DCX: variants seen among roughly 807,000 people sequenced by gnomAD.
DCX encodes doublecortin, also known as neuronal migration protein doublecortin.
Under a neutral mutation model 20.9 loss-of-function variants are expected in DCX, and 4 were observed. The ratio of observed to expected loss-of-function variants is 0.19; its 90% confidence interval spans 0.09 to 0.44. The LOEUF is 0.44. Among genes scored for constraint, DCX ranks in the 20% least tolerant of loss-of-function variants. DCX has a pLI of 0.99. For synonymous variants in DCX, 103 were observed against 111.4 expected (o/e 0.92, Z 0.47); for missense variants, 133 against 296.9 (o/e 0.45, Z 4.06).
chrX:111,346,677 A>T (rs1371351945), intron 3 of DCX, among the ~76,000 whole-genome samples: 1 of 112,325 alleles, frequency 8.9e-6, no homozygotes, highest in Non-Finnish European at 1.9e-5. Context: ...TGAATTGTAC[A>T]CATAAGATTA....
At chrX:111,406,511 A>T (rs1225533967) in intron 2 of DCX, among the ~76,000 whole-genome samples, 1 of 111,863 alleles carries the variant, frequency 8.9e-6, no homozygotes, top group African/African-American at 3.2e-5. Context: ...ATGGATAGAG[A>T]AGGCAGGTGT....
chrX:111,331,092 A>G, intron 4 of DCX, 51 bp from the exon 5 acceptor site: 3 of 1,189,265 alleles, frequency 2.5e-6, no homozygotes, highest in Non-Finnish European at 2.3e-6. Context: ...CAGGCTCAGC[A>G]TGTTATCAGC....
At chrX:111,337,380 T>C (rs1921831336) in intron 3 of DCX, among the ~76,000 whole-genome samples, 1 of 110,773 alleles carries the variant, frequency 9.0e-6, no homozygotes, top group Non-Finnish European at 1.9e-5. Context: ...TCAATGCTCT[T>C]CCTTTGAAAA....
intron 5 of DCX, among the ~76,000 whole-genome samples, chrX:111,316,095 A>T (rs75524335): frequency 0.045 from 4,496 of 100,154 alleles, 149 homozygotes; most frequent in Admixed American, 0.084. Flanking sequence ...ATAAAAAAAA[A>T]AAAAAAAAAA....
chrX:111,323,386 G>A (rs1431700879), intron 5 of DCX, among the ~76,000 whole-genome samples: 2 of 111,229 alleles, frequency 1.8e-5, no homozygotes, highest in Non-Finnish European at 3.8e-5. Context: ...CTAAGTGCCT[G>A]CCACATAGAA....
In DCX at chrX:111,301,358, T is replaced by C. The variant is rs1042898294; in HGVS notation, c.*329A>G. 5.0e-5 allele frequency: 15 copies of C among 298,752 alleles called. No homozygotes were observed. The highest frequency in any genetic ancestry group is 4.0e-4 in the African/African-American group (15 of 37,179). 24.6% of individuals were successfully genotyped at this position (298,752 alleles called of 1,213,427 possible). ...AGCCCTCTACAGAAGGAAGACTGTA[T>C]GGGCAAAATTAGACAGGGCAAATAT... On this transcript the variant is annotated 3_prime_UTR_variant, in exon 7 of 7. Coordinates refer to ENST00000636035, the MANE Select transcript of DCX (RefSeq NM_001195553.2).
chrX:111,407,467 T>C (rs1281838096), intron 2 of DCX, among the ~76,000 whole-genome samples: 5 of 111,657 alleles, frequency 4.5e-5, no homozygotes, highest in Non-Finnish European at 7.5e-5. Flanking sequence ...AGTGGGAAAA[T>C]TGATCACATT....
chrX:111,399,433 G>A (rs1230403339), intron 3 of DCX, among the ~76,000 whole-genome samples: 4 of 111,636 alleles, frequency 3.6e-5, no homozygotes, highest in Non-Finnish European at 5.6e-5. Flanking sequence ...TTTTTGATTT[G>A]CATATTCCTA....
intron 3 of DCX, among the ~76,000 whole-genome samples, chrX:111,387,855 C>A (rs1483330958): frequency 2.7e-5 from 3 of 111,644 alleles, no homozygotes; most frequent in Admixed American, 1.9e-4. Context: ...CTGTGCGAGC[C>A]ATTCAGACCC....
chrX:111,329,896 T>C (rs1194089810), intron 5 of DCX, among the ~76,000 whole-genome samples: 1 of 112,393 alleles, frequency 8.9e-6, no homozygotes, highest in East Asian at 2.8e-4. Flanking sequence ...AGAATTCTCA[T>C]GATAAATTCT....
chrX:111,406,907 G>T (rs1387649685), intron 2 of DCX, among the ~76,000 whole-genome samples: 2 of 111,851 alleles, frequency 1.8e-5, no homozygotes, highest in Non-Finnish European at 3.8e-5. Flanking sequence ...AAAAATCATT[G>T]TACACTTGAA....
rs186615316 is a variant in DCX at position 111,356,905 on chromosome X, G to A, written c.706-23752C>T. Reference sequence around the variant, plus strand: ...TCACTATATAAATGGGCAATATAGCGAGATTCCTGTTTCTACAAAATACAC... The same window carrying A: ...TCACTATATAAATGGGCAATATAGCAAGATTCCTGTTTCTACAAAATACAC... On this transcript the variant is annotated intron_variant, in intron 3 of 6. Coordinates refer to ENST00000636035, the MANE Select transcript of DCX (RefSeq NM_001195553.2). Among the ~76,000 whole-genome samples the A allele has an allele frequency of 2.7e-5, 3 of 111,757 alleles. No individual in the cohort carries two copies. In the East Asian group the frequency reaches 8.5e-4, roughly 32 times the overall value.
intron 5 of DCX, among the ~76,000 whole-genome samples, chrX:111,320,887 G>T (rs1169434932): frequency 9.2e-6 from 1 of 108,891 alleles, no homozygotes; most frequent in East Asian, 2.9e-4. Flanking sequence ...TCCAGCTAGG[G>T]GTAGCAAACA....
chrX:111,306,803 C>T (rs1025579889), intron 6 of DCX, among the ~76,000 whole-genome samples: 23 of 111,340 alleles, frequency 2.1e-4, no homozygotes, highest in African/African-American at 3.3e-4. Flanking sequence ...AATTAAACAA[C>T]GCACAGATGA....
intron 3 of DCX, among the ~76,000 whole-genome samples, chrX:111,375,008 G>A (rs1294022034): frequency 2.0e-5 from 2 of 100,419 alleles, no homozygotes; most frequent in East Asian, 3.1e-4. Flanking sequence ...AAATCTCAAA[G>A]TATGACATAC....
intron 6 of DCX, among the ~76,000 whole-genome samples, chrX:111,307,032 G>A (rs2147582598): frequency 9.0e-6 from 1 of 110,594 alleles, no homozygotes; most frequent in Admixed American, 9.7e-5. Flanking sequence ...CTGCTAATGG[G>A]TAAGGGGTTT....
intron 5 of DCX, among the ~76,000 whole-genome samples, chrX:111,314,151 G>A (rs1010403855): frequency 8.1e-5 from 9 of 111,513 alleles, no homozygotes; most frequent in East Asian, 2.8e-4. Context: ...TTATTTAAGC[G>A]CAAGTGAGCT....
chrX:111,374,518 T>C (rs1389147630), intron 3 of DCX, among the ~76,000 whole-genome samples: 2 of 111,766 alleles, frequency 1.8e-5, no homozygotes, highest in Non-Finnish European at 3.8e-5. Context: ...GATCCATTCC[T>C]CACTGTCTCT....
At chrX:111,327,745 C>G (rs192419786) in intron 5 of DCX, among the ~76,000 whole-genome samples, 1 of 112,165 alleles carries the variant, frequency 8.9e-6, no homozygotes, top group East Asian at 2.8e-4. Context: ...TGGAATGGTC[C>G]TGAGTGAGGT....
Sources: allele counts gnomAD v4.1 joint callset (sites outside exome capture counted in the v4.1 genomes callset), GRCh38; gene constraint gnomAD v4.1.1; transcripts MANE v1.5; gene names NCBI Gene and HGNC (gene_info 2026-07-23, HGNC 2026-07-21).